The following PCDH15 variants were observed in gnomAD, a reference collection of about 807,000 sequenced individuals.
The protein encoded by PCDH15 is protocadherin related 15.
A neutral mutation model predicts 178.5 loss-of-function variants in PCDH15; 129 were observed. The observed-to-expected ratio is 0.72, with a 90% CI of 0.63 to 0.84. The LOEUF is 0.84. Among genes scored for constraint, PCDH15 ranks in the 40% least tolerant of loss-of-function variants. The probability of loss-of-function intolerance (pLI) is 0.00; values close to 1 mark genes in which losing one functional copy is unlikely to be tolerated. For missense variants in PCDH15, 2,230 were observed against 2,099.9 expected (o/e 1.06, Z -1.21); for synonymous variants, 800 against 732.0 (o/e 1.09, Z -1.50).
chr10:53,897,827 C>T (rs79358896), intron 26 of PCDH15, among the ~76,000 whole-genome samples: 1,770 of 152,206 alleles, frequency 0.012, 38 homozygotes, highest in African/African-American at 0.041. Context: ...GCATGATGTC[C>T]TCATTAATCC....
chr10:54,431,980 CAAATA>C (rs761803923), intron 3 of PCDH15, among the ~76,000 whole-genome samples: 11 of 151,614 alleles, frequency 7.3e-5, no homozygotes, highest in Non-Finnish European at 1.0e-4. Flanking sequence ...ACAATAGCCA[CAAATA>C]AAATAATATA....
At chr10:53,823,314 G>A in intron 32 of PCDH15, 1 of 1,613,898 alleles carries the variant, frequency 6.2e-7, no homozygotes, top group South Asian at 1.1e-5. Context: ...TTCTGAGACT[G>A]AGTTATTTCC....
At chr10:54,010,486 C>A (rs1451473071) in intron 20 of PCDH15, among the ~76,000 whole-genome samples, 1 of 152,142 alleles carries the variant, frequency 6.6e-6, no homozygotes, top group East Asian at 1.9e-4. Flanking sequence ...GAGACTGATG[C>A]AAACGCCCAG....
At chr10:55,005,797 T>C (rs1489619580) in intron 2 of PCDH15, among the ~76,000 whole-genome samples, 1 of 152,080 alleles carries the variant, frequency 6.6e-6, no homozygotes, top group African/African-American at 2.4e-5. Flanking sequence ...ATATATAGGG[T>C]AAGATTTTTA....
At chr10:54,131,116 A>C (rs1178275615) in intron 15 of PCDH15, among the ~76,000 whole-genome samples, 1 of 152,120 alleles carries the variant, frequency 6.6e-6, no homozygotes, top group Non-Finnish European at 1.5e-5. Context: ...AAAAAGGCCA[A>C]CTTCTTTTCA....
chr10:54,852,855 A>AAAATAAAATAAAATAAAATAAAATAAAAT (rs1554806693), intron 3 of PCDH15, among the ~76,000 whole-genome samples: 1 of 147,238 alleles, frequency 6.8e-6, no homozygotes, highest in African/African-American at 2.5e-5. Flanking sequence ...TCTGTCTCAA[A>AAAATAAAATAAAATAAAATAAAATAAAAT]AAAATAAAAT....
chr10:55,070,748 T>C (rs1841716439), intron 2 of PCDH15, among the ~76,000 whole-genome samples: 1 of 152,160 alleles, frequency 6.6e-6, no homozygotes, highest in Admixed American at 6.5e-5. Flanking sequence ...TAGGATTGAC[T>C]TGGTGATGTG....
In PCDH15 at chr10:53,870,130, C is replaced by G. The variant is rs1160360799; in HGVS notation, c.3502-3273G>C. On this transcript the variant is annotated intron_variant, in intron 26 of 37. Coordinates refer to ENST00000644397, the MANE Select transcript of PCDH15 (RefSeq NM_001384140.1). ...CTGATTAACTTCCAATTTCAGTAAG[C>G]AGGTAATTTCACTTTGCAATATTCC... is the stretch of plus-strand genomic sequence containing the variant. 2.6e-4 allele frequency among the ~76,000 whole-genome samples: 39 copies of G among 152,116 alleles called. 2 individuals are homozygous for G.
At chr10:54,221,780 T>C (rs2134199385) in intron 9 of PCDH15, among the ~76,000 whole-genome samples, 1 of 152,240 alleles carries the variant, frequency 6.6e-6, no homozygotes, top group East Asian at 1.9e-4. Context: ...TTTTTGTATT[T>C]GTAGTAGAGA....
At chr10:54,054,360 T>A (rs2093838817) in intron 18 of PCDH15, among the ~76,000 whole-genome samples, 1 of 152,104 alleles carries the variant, frequency 6.6e-6, no homozygotes, top group Non-Finnish European at 1.5e-5. Context: ...CAGAATTAGA[T>A]GTGCTTAAAC....
At chr10:54,356,483 T>G (rs2064340894) in intron 5 of PCDH15, among the ~76,000 whole-genome samples, 2 of 151,778 alleles carry the variant, frequency 1.3e-5, no homozygotes, top group Non-Finnish European at 2.9e-5. Context: ...AGTTATGTAT[T>G]TATATATGAC....
chr10:53,909,907 T>A (rs938089715), intron 25 of PCDH15, among the ~76,000 whole-genome samples: 12 of 152,172 alleles, frequency 7.9e-5, no homozygotes, highest in African/African-American at 2.4e-4. Context: ...TCACTGCTAG[T>A]GCAGCAGTCT....
chr10:55,269,590 C>G (rs1267427938), intron 1 of PCDH15, among the ~76,000 whole-genome samples: 1 of 151,914 alleles, frequency 6.6e-6, no homozygotes, highest in Admixed American at 6.6e-5. Flanking sequence ...TGAAAGATCT[C>G]TACAAGTAGA....
At chr10:54,166,456 C>T (rs940068986) in intron 13 of PCDH15, among the ~76,000 whole-genome samples, 3 of 152,138 alleles carry the variant, frequency 2.0e-5, no homozygotes, top group African/African-American at 7.2e-5. Flanking sequence ...GAAAGTAATA[C>T]AACATGTAGC....
intron 20 of PCDH15, among the ~76,000 whole-genome samples, chr10:54,003,425 A>G (rs1475968853): frequency 6.6e-6 from 1 of 152,060 alleles, no homozygotes; most frequent in Non-Finnish European, 1.5e-5. Context: ...GAAAAAGAAA[A>G]CATTACAACT....
At chr10:55,143,376 A>T (rs896569275) in intron 2 of PCDH15, among the ~76,000 whole-genome samples, 2 of 152,158 alleles carry the variant, frequency 1.3e-5, no homozygotes, top group African/African-American at 4.8e-5. Flanking sequence ...TGAGAAATAG[A>T]TATAAAAGTA....
At chr10:53,807,468 G>A (rs750756584) in intron 37 of PCDH15, among the ~76,000 whole-genome samples, 27 of 152,094 alleles carry the variant, frequency 1.8e-4, no homozygotes, top group Non-Finnish European at 2.6e-4. Context: ...TTTGACAGCT[G>A]CTCTACTATT....
chr10:54,917,017 T>C (rs1440250710), intron 2 of PCDH15, among the ~76,000 whole-genome samples: 1 of 152,132 alleles, frequency 6.6e-6, no homozygotes. Flanking sequence ...GAGCTCTTTT[T>C]TCATCAGGAA....
intron 2 of PCDH15, among the ~76,000 whole-genome samples, chr10:55,436,066 G>A (rs1839032240): frequency 6.6e-6 from 1 of 152,004 alleles, no homozygotes; most frequent in African/African-American, 2.4e-5. Flanking sequence ...ATTCACAGTA[G>A]TAGTATCTGA....
Sources: gnomAD v4.1 joint callset for allele counts (sites outside exome capture counted in the v4.1 genomes callset) on GRCh38, gnomAD v4.1.1 for gene constraint, MANE v1.5 for transcripts, NCBI Gene and HGNC (gene_info 2026-07-23, HGNC 2026-07-21) for gene names.